ZFPM2: variants seen among roughly 807,000 people sequenced by gnomAD.
ZFPM2 encodes the protein zinc finger protein, FOG family member 2, also known as zinc finger protein ZFPM2.
In ZFPM2, 20 loss-of-function variants were observed where a neutral mutation model predicts 98.6. The observed-to-expected ratio is 0.20, with a 90% confidence interval of 0.14 to 0.29. ZFPM2 has a LOEUF of 0.29. Ranked by LOEUF, ZFPM2 falls within the 10% of genes least tolerant of loss-of-function variation. The pLI is 1.00. For missense variants in ZFPM2, 1,310 were observed against 1,388.6 expected (o/e 0.94, Z 0.90); for synonymous variants, 518 against 502.7 (o/e 1.03, Z -0.41).
chr8:105,689,081 C>T (rs1810816183), intron 5 of ZFPM2, among the ~76,000 whole-genome samples: 1 of 152,052 alleles, frequency 6.6e-6, no homozygotes, highest in Non-Finnish European at 1.5e-5. Context: ...TATGTACTTC[C>T]ATCTCTCATC....
At chr8:105,398,436 A>G (rs550115895) in intron 1 of ZFPM2, among the ~76,000 whole-genome samples, 1 of 152,118 alleles carries the variant, frequency 6.6e-6, no homozygotes, top group Non-Finnish European at 1.5e-5. Flanking sequence ...TTGCTAAACG[A>G]TGATTTTTGT....
intron 5 of ZFPM2, among the ~76,000 whole-genome samples, chr8:105,650,567 G>C (rs997656281): frequency 6.6e-6 from 1 of 152,108 alleles, no homozygotes; most frequent in Non-Finnish European, 1.5e-5. Context: ...AGAGATTCTG[G>C]TATGTTGTGT....
chr8:105,569,879 A>G (rs868432760), intron 4 of ZFPM2, among the ~76,000 whole-genome samples: 3 of 152,092 alleles, frequency 2.0e-5, no homozygotes, highest in African/African-American at 2.4e-5. Flanking sequence ...GCAATTTTCT[A>G]TTAACTTCTT....
In ZFPM2 at chr8:105,451,821, A is replaced by C. The variant is rs540830684; in HGVS notation, c.301+7440A>C. 12 of 152,276 alleles carry C rather than the reference A, an allele frequency of 7.9e-5. No homozygotes were observed. The East Asian group carries it at 2.1e-3, about 27-fold the overall frequency. 9.4% of individuals were successfully genotyped at this position (152,276 alleles called of 1,614,324 possible). On this transcript the variant is annotated intron_variant, in intron 3 of 7. Transcript: ENST00000407775. ...CACAGCAGCCAGGAGTTAGAAGGAA[A>C]CTATGTGGGCAGTCACTTATATGCT... is the stretch of plus-strand genomic sequence containing the variant.
In ZFPM2 at chr8:105,691,824, C is replaced by T. The variant is rs567251148; in HGVS notation, c.532+57467C>T. On this transcript the variant is annotated intron_variant, in intron 5 of 7. Transcript: ENST00000407775. ...CACATGATAGGTCTAGAGTGATTGA[C>T]GGAAAAACTATGCGCTCCTTTAGAG... 5.9e-5 allele frequency among the ~76,000 whole-genome samples: 9 copies of T among 152,214 alleles called. No homozygotes were observed. The South Asian group carries it at 6.2e-4, about 11-fold the overall frequency.
intron 3 of ZFPM2, among the ~76,000 whole-genome samples, chr8:105,547,388 T>A (rs1241652154): frequency 5.3e-5 from 8 of 150,806 alleles, no homozygotes; most frequent in Admixed American, 5.3e-4. Context: ...ACAAAAAATA[T>A]GAAAATAGCC....
chr8:105,606,662 C>T (rs17218046), intron 4 of ZFPM2, among the ~76,000 whole-genome samples: 15,135 of 152,124 alleles, frequency 0.099, 1,006 homozygotes, highest in Middle Eastern at 0.21. Context: ...CCATTACTGC[C>T]TGTATTTTCT....
intron 1 of ZFPM2, chr8:105,358,673 T>C (rs1449222208): frequency 1.3e-5 from 2 of 152,274 alleles, no homozygotes; most frequent in African/African-American, 4.8e-5. Flanking sequence ...AAGAGCTACT[T>C]GTTGGCTGGG....
chr8:105,372,216 G>A (rs184990442), intron 1 of ZFPM2, among the ~76,000 whole-genome samples: 14 of 151,834 alleles, frequency 9.2e-5, no homozygotes, highest in African/African-American at 3.4e-4. Flanking sequence ...CTAATTTTTT[G>A]TATTTTTAGT....
chr8:105,747,295 C>G (rs1218123212), intron 5 of ZFPM2, among the ~76,000 whole-genome samples: 1 of 151,996 alleles, frequency 6.6e-6, no homozygotes, highest in Non-Finnish European at 1.5e-5. Context: ...CTCCAAATTT[C>G]CAAGTCAGTT....
chr8:105,473,753 A>G (rs887625683), intron 3 of ZFPM2, among the ~76,000 whole-genome samples: 1 of 152,238 alleles, frequency 6.6e-6, no homozygotes, highest in African/African-American at 2.4e-5. Context: ...CTTAGAAAAA[A>G]GTACTTTGTA....
At chr8:105,357,054 T>C (rs183887270) in intron 1 of ZFPM2, among the ~76,000 whole-genome samples, 11 of 152,046 alleles carry the variant, frequency 7.2e-5, no homozygotes, top group Admixed American at 5.9e-4. Context: ...TTGCAAACTA[T>C]TTCTCCTACT....
intron 3 of ZFPM2, among the ~76,000 whole-genome samples, chr8:105,494,623 G>T (rs1217877891): frequency 6.6e-6 from 1 of 152,206 alleles, no homozygotes. Flanking sequence ...GATTCTCAAA[G>T]TGTGGTCTCC....
chr8:105,480,255 G>A (rs1813088292), intron 3 of ZFPM2, among the ~76,000 whole-genome samples: 3 of 152,176 alleles, frequency 2.0e-5, no homozygotes, highest in African/African-American at 7.2e-5. Context: ...AAAGAAAAGA[G>A]CAGCATTTAC....
intron 4 of ZFPM2, among the ~76,000 whole-genome samples, chr8:105,591,952 T>C (rs576303861): frequency 3.3e-5 from 5 of 152,298 alleles, no homozygotes; most frequent in African/African-American, 1.2e-4. Context: ...TTGTTAATTG[T>C]GTAAAAGAAA....
chr8:105,474,756 C>A (rs1224204552), intron 3 of ZFPM2, among the ~76,000 whole-genome samples: 1 of 152,146 alleles, frequency 6.6e-6, no homozygotes, highest in Non-Finnish European at 1.5e-5. Context: ...CCGTTAAAAC[C>A]ATCCTATGAT....
chr8:105,673,868 G>A (rs1486476801), intron 5 of ZFPM2, among the ~76,000 whole-genome samples: 1 of 152,134 alleles, frequency 6.6e-6, no homozygotes, highest in African/African-American at 2.4e-5. Flanking sequence ...AAACTGGCTG[G>A]ATGAATTATG....
chr8:105,529,731 T>C (rs1814254476), intron 3 of ZFPM2, among the ~76,000 whole-genome samples: 1 of 152,056 alleles, frequency 6.6e-6, no homozygotes, highest in African/African-American at 2.4e-5. Context: ...CTTTGATTTT[T>C]TTTTCTTTCT....
Position 105,770,364 on chromosome 8 carries a change from T to A in ZFPM2, c.533-18354T>A, listed in dbSNP as rs560364319. ...CACCCAGAGTGTGGGTCTTTGAACTTACAAATGCTTTTATAAAAGAAGAAG... is the reference window on the plus strand; with the variant it reads ...CACCCAGAGTGTGGGTCTTTGAACTAACAAATGCTTTTATAAAAGAAGAAG... On this transcript the variant is annotated intron_variant, in intron 5 of 7. Coordinates refer to ENST00000407775, the MANE Select transcript of ZFPM2 (RefSeq NM_012082.4). Among the ~76,000 whole-genome samples, 3 of 152,168 alleles carry A rather than the reference T, an allele frequency of 2.0e-5. No individual in the cohort carries two copies. The East Asian group carries it at 5.8e-4, about 29-fold the overall frequency.
Sources: allele counts gnomAD v4.1 joint callset (sites outside exome capture counted in the v4.1 genomes callset), GRCh38; gene constraint gnomAD v4.1.1; transcripts MANE v1.5; gene names NCBI Gene and HGNC (gene_info 2026-07-23, HGNC 2026-07-21).